Variants in PELP1 observed in about 807,000 individuals in gnomAD.
PELP1 encodes the protein proline, glutamate and leucine rich protein 1.
A neutral mutation model predicts 95.5 loss-of-function variants in PELP1; 32 were observed. The ratio of observed to expected loss-of-function variants is 0.34; its 90% CI spans 0.25 to 0.45. The LOEUF is 0.45. Ranked by LOEUF, PELP1 falls within the 20% of genes least tolerant of loss-of-function variation. The probability of loss-of-function intolerance (pLI) is 1.00; values close to 1 mark genes in which losing one functional copy is unlikely to be tolerated. For missense variants in PELP1, 1,358 were observed against 1,444.8 expected (o/e 0.94, Z 0.97); for synonymous variants, 668 against 600.1 (o/e 1.11, Z -1.65).
chr17:4,698,015 T>G (rs915824417), intron 1 of PELP1, among the ~76,000 whole-genome samples: 57 of 150,786 alleles, frequency 3.8e-4, no homozygotes, highest in South Asian at 4.3e-4. Context: ...AAGGTTTTTT[T>G]TTTTTTTTTT....
At chr17:4,684,302 T>A (rs1912828852) in intron 3 of PELP1, among the ~76,000 whole-genome samples, 1 of 152,140 alleles carries the variant, frequency 6.6e-6, no homozygotes. Flanking sequence ...AGTTTTCTCC[T>A]CCAATTTCCA....
At chr17:4,702,835 T>G (rs1363685213) in intron 1 of PELP1, among the ~76,000 whole-genome samples, 1 of 151,974 alleles carries the variant, frequency 6.6e-6, no homozygotes, top group Non-Finnish European at 1.5e-5. Flanking sequence ...AGATAGGAGA[T>G]TGTTATAAGG....
Position 4,676,373 on chromosome 17 carries a change from G to A in PELP1, c.837C>T (p.Tyr279=), listed in dbSNP as rs766804631. 40 of 1,612,578 alleles carry A rather than the reference G, an allele frequency of 2.5e-5. No homozygotes were observed. Among genetic ancestry groups the A allele is most frequent in the Middle Eastern group, 3.3e-4 (2 of 6,084 alleles). Reference sequence around the variant, plus strand: ...GGTCCCTACCAGTCTCTGCTCCCTCGTACAGGGCCCCCAGCAGGGTGTGCA... The same window carrying A: ...GGTCCCTACCAGTCTCTGCTCCCTCATACAGGGCCCCCAGCAGGGTGTGCA... ...ASLHTLLGAL[Y]EGAETAPVQN... Residue 279 remains tyrosine, a synonymous_variant, in exon 7 of 17, where the codon TAC becomes TAT. Coordinates refer to ENST00000572293, the MANE Select transcript of PELP1 (RefSeq NM_014389.3).
chr17:4,703,051 T>A (rs1913607735), intron 1 of PELP1, among the ~76,000 whole-genome samples: 1 of 152,156 alleles, frequency 6.6e-6, no homozygotes, highest in South Asian at 2.1e-4. Flanking sequence ...TACTTGAGTG[T>A]CTAGCTTGCA....
In PELP1 at chr17:4,682,493, A is replaced by C. The variant is rs1286896438; in HGVS notation, c.642+9T>G. 5 of 1,589,790 alleles carry C rather than the reference A, an allele frequency of 3.1e-6. No individual in the cohort carries two copies. The highest frequency in any genetic ancestry group is 4.3e-6 in the Non-Finnish European group (5 of 1,157,790). ...ACACTGGTGGGGAGAAGAGTGCATA[A>C]ATACTTACTTTGAGAGAACCACAAG... On this transcript the variant is annotated intron_variant, in intron 5 of 16. Transcript: ENST00000572293.
intron 1 of PELP1, among the ~76,000 whole-genome samples, chr17:4,693,162 C>A (rs529126420): frequency 6.6e-6 from 1 of 152,198 alleles, no homozygotes; most frequent in Non-Finnish European, 1.5e-5. Context: ...AGAGTGAACA[C>A]ATGACCCAGC....
chr17:4,682,700 T>C lies in PELP1; in HGVS notation c.570+103A>G, dbSNP rs1165203104. 8 of 1,459,496 alleles carry C rather than the reference T, an allele frequency of 5.5e-6. No homozygotes were observed. The Admixed American group carries it at 1.5e-4, about 27-fold the overall frequency. The allele number at this position is 1,459,496 out of a possible 1,614,324, so 90.4% of individuals were successfully genotyped here. On this transcript the variant is annotated intron_variant, in intron 4 of 16. Coordinates refer to ENST00000572293, the MANE Select transcript of PELP1 (RefSeq NM_014389.3). The stretch of plus-strand genomic sequence containing the variant: ...TTTCTTGGCCCCTCCCTCTTCTCAC[T>C]TCTTCAATCCTATTCCCCAGTCACT...
Position 4,669,820 on chromosome 17 carries a change from T to G in PELP1, c.*1619A>C, listed in dbSNP as rs1432413375. On this transcript the variant is annotated 3_prime_UTR_variant, in exon 17 of 17. Coordinates refer to ENST00000572293, the MANE Select transcript of PELP1 (RefSeq NM_014389.3). Reference sequence around the variant, plus strand: ...TTTAATATCACAATTATCACTGGATTACTGTTATTTTTCTTAGGTTTGATA... The same window carrying G: ...TTTAATATCACAATTATCACTGGATGACTGTTATTTTTCTTAGGTTTGATA... 1 of 152,048 alleles carries G rather than the reference T, an allele frequency of 6.6e-6. No homozygotes were observed. The highest frequency in any genetic ancestry group is 1.5e-5 in the Non-Finnish European group (1 of 68,020). 9.4% of individuals were successfully genotyped at this position (152,048 alleles called of 1,614,324 possible). A position where few individuals can be genotyped will look rare whatever the true frequency, so the allele number is the denominator to read the frequency against.
Position 4,673,266 on chromosome 17 carries a change from C to G in PELP1, c.1829G>C (p.Arg610Pro). Residue 610 changes from arginine to proline, a missense_variant, in exon 15 of 17, where the codon CGA becomes CCA. Arg to Pro is a moderately radical substitution (Grantham distance 103, BLOSUM62 -2). Transcript: ENST00000572293. The surrounding 1 kb of genome is among the most constrained non-coding windows in gnomAD (Gnocchi z 5.7). ...CACAGTTACCTCAAGGCTATCTTCT[C>G]GCTGGCCGAGGGAGAAGGCTTGCAG... is the stretch of plus-strand genomic sequence containing the variant. ...CALQAFSLGQ[R>P]EDSLEVSSFC... 1 of 1,573,180 alleles carries G rather than the reference C, an allele frequency of 6.4e-7. No homozygotes were observed. The highest frequency in any genetic ancestry group is 2.3e-5 in the East Asian group (1 of 42,794).
chr17:4,677,096 T>A (rs1268765083), intron 5 of PELP1, among the ~76,000 whole-genome samples: 1 of 151,802 alleles, frequency 6.6e-6, no homozygotes, highest in Admixed American at 6.6e-5. Context: ...TTTTGCAAAA[T>A]TTTTCCCTCA....
At chr17:4,690,824 C>A in intron 3 of PELP1, 64 bp downstream of exon 3, 2 of 1,016,332 alleles carry the variant, frequency 2.0e-6, no homozygotes, top group East Asian at 2.4e-5. Context: ...AAGAACATGC[C>A]ACATCCAAGA....
Position 4,671,515 on chromosome 17 carries a change from G to A in PELP1, c.3317C>T (p.Ala1106Val). ...ALQEKEQDDT[A>V]AMLADFIDCP... is the part of the protein sequence containing the mutation. Reference sequence around the variant, plus strand: ...ATCGATGAAGTCGGCCAGCATGGCAGCTGTGTCATCCTGCTCCTTTTAGGC... The same window carrying A: ...ATCGATGAAGTCGGCCAGCATGGCAACTGTGTCATCCTGCTCCTTTTAGGC... The change falls in exon 17 of 17, where the codon GCT (alanine) becomes GTT (valine). Residue 1106 changes from alanine to valine, a missense_variant. This residue lies in a region of PELP1 where 283 missense variants were observed against 284.1 expected (regional missense o/e 1.00). Coordinates refer to ENST00000572293, the MANE Select transcript of PELP1 (RefSeq NM_014389.3). 1 of 1,613,794 alleles carries A rather than the reference G, an allele frequency of 6.2e-7. No individual in the cohort carries two copies. Among genetic ancestry groups the A allele is most frequent in the Non-Finnish European group, 8.5e-7 (1 of 1,179,740 alleles).
At chr17:4,691,244 T>A in intron 2 of PELP1, 134 bp downstream of exon 2, 1 of 721,826 alleles carries the variant, frequency 1.4e-6, no homozygotes. Flanking sequence ...ACAAAAGGAA[T>A]GTAACTCTCC....
intron 3 of PELP1, among the ~76,000 whole-genome samples, chr17:4,690,548 C>T (rs1425063869): frequency 6.6e-6 from 1 of 152,072 alleles, no homozygotes; most frequent in East Asian, 1.9e-4. Context: ...ATGTTAAAAC[C>T]TCGTCTCTAC....
chr17:4,682,713 T>C (rs1912735005), intron 4 of PELP1, 90 bp downstream of exon 4: 3 of 1,458,506 alleles, frequency 2.1e-6, no homozygotes, highest in Admixed American at 2.2e-5. Context: ...TTCAATCCTA[T>C]TCCCCAGTCA....
In PELP1 at chr17:4,682,534, T is replaced by A; in HGVS notation, c.610A>T (p.Thr204Ser). ...SALEGMKACM[T>S]YFPRACGSLK... is the part of the protein sequence containing the mutation. ...GAACCACAAGCCCGAGGGAAATAGG[T>A]CATACAAGCCTTCATTCCTTCCAAT... The change falls in exon 5 of 17, where the codon ACC becomes TCC. Residue 204 changes from threonine to serine, a missense_variant. This residue lies in a region of PELP1 where 538 missense variants were observed against 628.1 expected (regional missense o/e 0.86). Transcript: ENST00000572293. 1 of 1,613,066 alleles carries A rather than the reference T, an allele frequency of 6.2e-7. No homozygotes were observed.
chr17:4,698,142 G>A (rs943349229), intron 1 of PELP1, among the ~76,000 whole-genome samples: 1 of 151,330 alleles, frequency 6.6e-6, no homozygotes, highest in African/African-American at 2.4e-5. Context: ...TAACAGGCAT[G>A]AGCCACTGCA....
chr17:4,675,345 A>G lies in PELP1; in HGVS notation c.1086T>C (p.Gly362=), dbSNP rs374036416. 195 of 1,551,624 alleles carry G rather than the reference A, an allele frequency of 1.3e-4. No individual in the cohort carries two copies. In the African/African-American group the frequency reaches 2.4e-3, roughly 19 times the overall value. ...AGGGCAGCAGCAGCAGCCGCAGGGG[A>G]CCATCTCCATGCAAGCTCTGGAGAA... is the stretch of plus-strand genomic sequence containing the variant. ...SSKNISLHGD[G]PLRLLLLPSI... is the part of the protein sequence containing the mutation. Residue 362 remains glycine (G), a synonymous_variant, in exon 10 of 17, where the codon GGT becomes GGC. Coordinates refer to ENST00000572293, the MANE Select transcript of PELP1 (RefSeq NM_014389.3). This position sits in a 1 kb window ranked among gnomAD's most constrained non-coding sequence, Gnocchi z 4.3.
rs779579337 is a variant in PELP1, at chr17:4,675,814, C to T, written c.1051G>A (p.Val351Ile). 28 of 1,581,262 alleles carry T rather than the reference C, an allele frequency of 1.8e-5. No homozygotes were observed. The highest frequency in any genetic ancestry group is 1.8e-4 in the African/African-American group (13 of 74,170). ...CCACTTACAATATTCTTGCTACTGA[C>T]GCTGAGGGTCCGGCAGATGAAATCC... The part of the protein sequence containing the change: ...ILDFICRTLS[V>I]SSKNISLHGD... Residue 351 changes from valine to isoleucine, a missense_variant, in exon 9 of 17, where the codon GTC becomes ATC. By Grantham distance (29) the Val-to-Ile change is conservative. Coordinates refer to ENST00000572293, the MANE Select transcript of PELP1 (RefSeq NM_014389.3). This position sits in a 1 kb window ranked among gnomAD's most constrained non-coding sequence, Gnocchi z 4.3.
Sources: gnomAD v4.1 joint callset for allele counts (sites outside exome capture counted in the v4.1 genomes callset) on GRCh38, gnomAD v4.1.1 for gene constraint, gnomAD v4.1.1 regional missense constraint, Gnocchi (gnomAD v3.1) non-coding constraint, MANE v1.5 for transcripts, NCBI Gene and HGNC (gene_info 2026-07-23, HGNC 2026-07-21) for gene names.